Variants in DCAF4 observed in about 807,000 individuals in gnomAD.
DCAF4 encodes the protein DDB1- and CUL4-associated factor 4.
A neutral mutation model predicts 60.9 loss-of-function variants in DCAF4; 37 were observed. That is an observed-to-expected ratio of 0.61 (90% CI 0.47 to 0.80). The LOEUF is 0.80. Among genes scored for constraint, DCAF4 ranks in the 30% least tolerant of loss-of-function variants. The pLI is 0.00. For synonymous variants in DCAF4, 243 were observed against 254.8 expected (o/e 0.95, Z 0.44); for missense variants, 577 against 650.0 (o/e 0.89, Z 1.22).
intron 8 of DCAF4, among the ~76,000 whole-genome samples, chr14:72,948,223 T>C (rs1358321524): frequency 2.0e-5 from 3 of 152,186 alleles, no homozygotes; most frequent in African/African-American, 4.8e-5. Flanking sequence ...GGTCTTGCCC[T>C]GTCACCCAGG....
rs188787614 is a variant in DCAF4 at position 72,946,121 on chromosome 14, A to C, written c.678+94A>C. The C allele has an allele frequency of 3.6e-5, 53 of 1,459,522 alleles. No homozygotes were observed. In the East Asian group the frequency reaches 3.6e-4, roughly 10 times the overall value. 90.4% of individuals were successfully genotyped at this position (1,459,522 alleles called of 1,614,324 possible). On this transcript the variant is annotated intron_variant, in intron 7 of 13. Coordinates refer to ENST00000358377, the MANE Select transcript of DCAF4 (RefSeq NM_015604.4). Reference sequence around the variant, plus strand: ...GAGGAGAGCAACTGGGGAAGAGGGCAGAGCATACTTACCTCATTTTTCCAT... The same window carrying C: ...GAGGAGAGCAACTGGGGAAGAGGGCCGAGCATACTTACCTCATTTTTCCAT...
At chr14:72,938,300 C>G (rs569445503) in intron 2 of DCAF4, among the ~76,000 whole-genome samples, 9 of 152,290 alleles carry the variant, frequency 5.9e-5, no homozygotes, top group Admixed American at 5.2e-4. Flanking sequence ...GAGAGAGGAC[C>G]ACTCTCTGTT....
At chr14:72,937,410 CTTT>C (rs11288108) in intron 1 of DCAF4, among the ~76,000 whole-genome samples, 4 of 105,748 alleles carry the variant, frequency 3.8e-5, no homozygotes, top group African/African-American at 1.4e-4. Context: ...TTTTTCTTTT[CTTT>C]TTTTTTTTTT....
chr14:72,940,413 G>A (rs61988546), intron 4 of DCAF4, 36 bp downstream of exon 4: 103,561 of 1,573,680 alleles, frequency 0.066, 3,870 homozygotes, highest in Non-Finnish European at 0.077. Flanking sequence ...TGTCCTCTCC[G>A]CTCCTGCCAG....
chr14:72,953,728 A>ATATATATATATAT (rs1479912270), intron 9 of DCAF4, among the ~76,000 whole-genome samples: 2 of 37,756 alleles, frequency 5.3e-5, no homozygotes, highest in African/African-American at 1.2e-4. Context: ...AAAAAAAAAA[A>ATATATATATATAT]AAAAATATAT....
downstream of DCAF4, chr14:72,962,016 ATAGCCC>A (rs1892838634): frequency 9.2e-7 from 1 of 1,088,782 alleles, no homozygotes; most frequent in East Asian, 6.9e-5. Context: ...TCTTCCCTTC[ATAGCCC>A]TCAACCTGAA....
chr14:72,955,914 C>CTTTTTTTTTTTTTTTTTT (rs71109770), intron 12 of DCAF4, among the ~76,000 whole-genome samples: 12 of 54,726 alleles, frequency 2.2e-4, no homozygotes, highest in African/African-American at 7.9e-4. Context: ...TGGTTATGTC[C>CTTTTTTTTTTTTTTTTTT]TTTTTTTTTT....
rs1891963628 is a variant in DCAF4, at chr14:72,954,245, A to C, written c.890A>C (p.Asn297Thr). ...SCAWSLNIQANNCFSTGLSRR... is the reference protein window; with the variant it reads ...SCAWSLNIQATNCFSTGLSRR... ...GCCTGGTCCCTGAATATCCAAGCAA[A>C]TAACTGCTTCAGTACAGGTGAGCCT... The change falls in exon 10 of 14, where the codon AAT becomes ACT. Residue 297 changes from asparagine to threonine, a missense_variant. Transcript: ENST00000358377. The C allele has an allele frequency of 3.1e-6, 5 of 1,614,102 alleles. No homozygotes were observed. Among genetic ancestry groups the C allele is most frequent in the Non-Finnish European group, 4.2e-6 (5 of 1,180,050 alleles).
chr14:72,946,467 T>C (rs1398420461), intron 7 of DCAF4, among the ~76,000 whole-genome samples: 1 of 152,174 alleles, frequency 6.6e-6, no homozygotes, highest in African/African-American at 2.4e-5. Context: ...AGGAGTTTCT[T>C]GTCTTGGAAA....
intron 9 of DCAF4, among the ~76,000 whole-genome samples, chr14:72,953,436 A>G (rs1382785094): frequency 6.6e-6 from 1 of 151,794 alleles, no homozygotes; most frequent in African/African-American, 2.4e-5. Context: ...TTTTCGAAGC[A>G]CAGTGGCTCA....
intron 6 of DCAF4, among the ~76,000 whole-genome samples, chr14:72,944,296 G>C (rs1043347289): frequency 3.3e-5 from 5 of 152,214 alleles, no homozygotes; most frequent in African/African-American, 4.8e-5. Flanking sequence ...TTTCAGATCT[G>C]AGTCTAGTCT....
At chr14:72,942,910 C>A in intron 5 of DCAF4, 84 bp from the exon 6 acceptor site, 1 of 1,237,448 alleles carries the variant, frequency 8.1e-7, no homozygotes, top group South Asian at 1.4e-5. Flanking sequence ...TGGGCGTCAG[C>A]GGGGCAGGGA....
At chr14:72,955,269 AG>A (rs1180071220) in intron 11 of DCAF4, among the ~76,000 whole-genome samples, 3 of 151,546 alleles carry the variant, frequency 2.0e-5, no homozygotes, top group African/African-American at 7.3e-5. Context: ...GGGACAGTGC[AG>A]GGGGGTGGGG....
At chr14:72,935,553 C>A (rs148903018) in intron 1 of DCAF4, among the ~76,000 whole-genome samples, 5 of 152,376 alleles carry the variant, frequency 3.3e-5, no homozygotes, top group African/African-American at 1.2e-4. Flanking sequence ...CCACATCCGG[C>A]CTTTAAAATG....
chr14:72,936,747 G>C (rs1404028754), intron 1 of DCAF4, among the ~76,000 whole-genome samples: 1 of 152,128 alleles, frequency 6.6e-6, no homozygotes, highest in African/African-American at 2.4e-5. Context: ...GTGCTCAGTA[G>C]CGATATTAGG....
At chr14:72,930,831 T>C (rs1888478219) in intron 1 of DCAF4, among the ~76,000 whole-genome samples, 1 of 152,202 alleles carries the variant, frequency 6.6e-6, no homozygotes, top group African/African-American at 2.4e-5. Flanking sequence ...TTTTGCAGTT[T>C]GATATTCAAA....
chr14:72,948,701 G>C (rs539900815), intron 8 of DCAF4, among the ~76,000 whole-genome samples: 1 of 152,320 alleles, frequency 6.6e-6, no homozygotes, highest in Non-Finnish European at 1.5e-5. Flanking sequence ...TCGCCCTCTG[G>C]TGGCCATTTC....
At chr14:72,938,125 C>T (rs1889544285) in intron 2 of DCAF4, 55 bp downstream of exon 2, 3 of 1,541,696 alleles carry the variant, frequency 1.9e-6, no homozygotes, top group African/African-American at 1.4e-5. Flanking sequence ...TGGCATTGTA[C>T]ACATGGCATG....
rs758175576 is a variant in DCAF4, at chr14:72,939,826, C to CGCTCACGATTCCG, written c.120_132dup (p.His45SerfsTer7). ...GGTCTGACTCCCGGGCAGCACAGCCCGCTCACGATTCCGGCCACGGTGATG... is the reference window on the plus strand; with the variant it reads ...GGTCTGACTCCCGGGCAGCACAGCCCGCTCACGATTCCGGCTCACGATTCCGGCCACGGTGATG... On this transcript the variant is annotated frameshift_variant, in exon 3 of 14. Coordinates refer to ENST00000358377, the MANE Select transcript of DCAF4 (RefSeq NM_015604.4). LOFTEE classifies it high-confidence loss of function. 1.2e-6 allele frequency: 2 copies of CGCTCACGATTCCG among 1,612,988 alleles called. No homozygotes were observed. The highest frequency in any genetic ancestry group is 1.7e-6 in the Non-Finnish European group (2 of 1,179,552).
Sources: gnomAD v4.1 joint callset for allele counts (sites outside exome capture counted in the v4.1 genomes callset) on GRCh38, gnomAD v4.1.1 for gene constraint, MANE v1.5 for transcripts, NCBI Gene and HGNC (gene_info 2026-07-23, HGNC 2026-07-21) for gene names.